Variants in ASAP1 observed in about 807,000 individuals in gnomAD.
The protein encoded by ASAP1 is ArfGAP with SH3 domain, ankyrin repeat and PH domain 1, also known as arf-GAP with SH3 domain, ANK repeat and PH domain-containing protein 1.
ASAP1 carries 43 observed loss-of-function variants against 145.2 expected under a neutral mutation model. The ratio of observed to expected loss-of-function variants is 0.30; its 90% CI spans 0.23 to 0.38. ASAP1 has a LOEUF of 0.38. ASAP1 is among the 10% of genes least tolerant of loss of function. The probability of loss-of-function intolerance (pLI) is 1.00; values close to 1 mark genes in which losing one functional copy is unlikely to be tolerated. For missense variants in ASAP1, 1,018 were observed against 1,355.3 expected (o/e 0.75, Z 3.91); for synonymous variants, 546 against 515.5 (o/e 1.06, Z -0.80).
At chr8:130,067,402 CTGAT>C (rs1322156159) in intron 27 of ASAP1, among the ~76,000 whole-genome samples, 6 of 152,146 alleles carry the variant, frequency 3.9e-5, no homozygotes, top group Non-Finnish European at 8.8e-5. Context: ...CACTATTTTA[CTGAT>C]TGATTGATTG....
chr8:130,127,792 G>A (rs549286383), intron 16 of ASAP1, 135 bp downstream of exon 16: 18 of 1,005,018 alleles, frequency 1.8e-5, no homozygotes, highest in African/African-American at 6.7e-5. Flanking sequence ...GAAAAATCAC[G>A]TTGGGAATAC....
intron 3 of ASAP1, among the ~76,000 whole-genome samples, chr8:130,356,833 G>A (rs949123208): frequency 3.9e-5 from 6 of 152,274 alleles, no homozygotes; most frequent in African/African-American, 1.4e-4. Flanking sequence ...AGATGAGTCG[G>A]CCCACAGAAG....
At chr8:130,378,155 T>C (rs1827592361) in intron 2 of ASAP1, among the ~76,000 whole-genome samples, 3 of 152,244 alleles carry the variant, frequency 2.0e-5, no homozygotes, top group Admixed American at 2.0e-4. Context: ...TTTGCACTTT[T>C]GAAATATGCG....
chr8:130,220,394 A>T (rs1817217888), intron 4 of ASAP1, among the ~76,000 whole-genome samples: 1 of 152,228 alleles, frequency 6.6e-6, no homozygotes, highest in Non-Finnish European at 1.5e-5. Flanking sequence ...ACAGTCCATG[A>T]GATAAGTACT....
At chr8:130,428,830 A>G (rs1426703282) in intron 1 of ASAP1, among the ~76,000 whole-genome samples, 1 of 152,090 alleles carries the variant, frequency 6.6e-6, no homozygotes, top group Non-Finnish European at 1.5e-5. Flanking sequence ...TTATCATTGC[A>G]TTAATTTTCT....
At chr8:130,057,806 G>T in intron 29 of ASAP1, 148 bp downstream of exon 29, 1 of 1,027,600 alleles carries the variant, frequency 9.7e-7, no homozygotes, top group Non-Finnish European at 1.4e-6. Flanking sequence ...GACACCAAAT[G>T]CAATGGCTGT....
chr8:130,272,070 C>A (rs998112534), intron 3 of ASAP1, among the ~76,000 whole-genome samples: 1 of 152,070 alleles, frequency 6.6e-6, no homozygotes. Context: ...GAGGCTGAGA[C>A]AGGAGGATTG....
chr8:130,280,490 G>C (rs140969702), intron 3 of ASAP1, among the ~76,000 whole-genome samples: 9 of 152,336 alleles, frequency 5.9e-5, no homozygotes, highest in African/African-American at 2.2e-4. Flanking sequence ...CCACAGTAGA[G>C]AGCAGTCAAC....
At chr8:130,273,131 T>A (rs573374950) in intron 3 of ASAP1, among the ~76,000 whole-genome samples, 3 of 152,308 alleles carry the variant, frequency 2.0e-5, no homozygotes, top group African/African-American at 7.2e-5. Flanking sequence ...ATAAATACAG[T>A]GTATCAATAA....
At chr8:130,146,295 A>G (rs1474718091) in intron 13 of ASAP1, among the ~76,000 whole-genome samples, 1 of 151,936 alleles carries the variant, frequency 6.6e-6, no homozygotes, top group Non-Finnish European at 1.5e-5. Context: ...TAGTAAAAGT[A>G]AAAAAAACCT....
intron 23 of ASAP1, among the ~76,000 whole-genome samples, chr8:130,113,292 T>C (rs1209824778): frequency 6.6e-6 from 1 of 152,100 alleles, no homozygotes; most frequent in Non-Finnish European, 1.5e-5. Context: ...TCCTCCGACA[T>C]CCAGACTCTA....
chr8:130,364,769 T>C (rs1221966309), intron 2 of ASAP1, among the ~76,000 whole-genome samples: 1 of 152,084 alleles, frequency 6.6e-6, no homozygotes, highest in African/African-American at 2.4e-5. Flanking sequence ...TTGGCACCAT[T>C]CAGAGGAGAA....
intron 3 of ASAP1, among the ~76,000 whole-genome samples, chr8:130,336,354 A>C (rs1825034908): frequency 6.6e-6 from 1 of 152,208 alleles, no homozygotes; most frequent in Non-Finnish European, 1.5e-5. Context: ...CAGTGGCATC[A>C]CCTGAGAATT....
chr8:130,074,365 G>A (rs2097456979), intron 27 of ASAP1, among the ~76,000 whole-genome samples: 2 of 151,970 alleles, frequency 1.3e-5, no homozygotes. Context: ...GTGTGGTGGA[G>A]GAGGCTGCAG....
intron 27 of ASAP1, among the ~76,000 whole-genome samples, chr8:130,067,151 C>A (rs1227408918): frequency 1.3e-5 from 2 of 152,192 alleles, no homozygotes; most frequent in African/African-American, 2.4e-5. Context: ...CCTTTTCTGT[C>A]TGGTGGGTCA....
In ASAP1 at chr8:130,358,134, G is replaced by T; in HGVS notation, c.69C>A (p.Asp23Glu). The T allele has an allele frequency of 1.2e-6, 2 of 1,606,258 alleles. No individual in the cohort carries two copies. Among genetic ancestry groups the T allele is most frequent in the East Asian group, 2.2e-5 (1 of 44,618 alleles). The stretch of plus-strand genomic sequence containing the variant: ...CGATGAACTCCGAGACAGAGATCTG[G>T]TCCGGCATCCTGCCGGGAGGGACGA... ...SRDSLWNRMPDQISVSEFIAE... is the reference protein window; with the variant it reads ...SRDSLWNRMPEQISVSEFIAE... The change falls in exon 3 of 30, where the codon GAC (aspartate) becomes GAA (glutamate). Residue 23 changes from aspartate to glutamate, a missense_variant. Asp to Glu is a conservative substitution (Grantham distance 45). Around this residue, in one of 9 missense-constraint regions of ASAP1, gnomAD observed 106 missense variants for 134.5 expected, o/e 0.79. Transcript: ENST00000518721. The surrounding 1 kb of genome is among the most constrained non-coding windows in gnomAD (Gnocchi z 4.1).
intron 12 of ASAP1, among the ~76,000 whole-genome samples, chr8:130,159,503 TC>T (rs2097664764): frequency 1.5e-5 from 2 of 137,076 alleles, no homozygotes; most frequent in East Asian, 4.6e-4. Flanking sequence ...GCGCCTGCAG[TC>T]CCAGCTACTC....
intron 3 of ASAP1, among the ~76,000 whole-genome samples, chr8:130,254,665 C>T (rs1469515340): frequency 6.6e-6 from 1 of 152,080 alleles, no homozygotes; most frequent in African/African-American, 2.4e-5. Flanking sequence ...AATTATGACC[C>T]TTATGTAAAC....
chr8:130,294,538 C>T (rs1250427022), intron 3 of ASAP1, among the ~76,000 whole-genome samples: 1 of 152,210 alleles, frequency 6.6e-6, no homozygotes, highest in African/African-American at 2.4e-5. Context: ...ATGGGGACAG[C>T]AATAGCACCT....
Sources: allele counts gnomAD v4.1 joint callset (sites outside exome capture counted in the v4.1 genomes callset), GRCh38; gene constraint gnomAD v4.1.1; regional missense constraint gnomAD v4.1.1; non-coding constraint Gnocchi (gnomAD v3.1); transcripts MANE v1.5; gene names NCBI Gene and HGNC (gene_info 2026-07-23, HGNC 2026-07-21).